Variants in SCN7A observed in about 807,000 individuals in gnomAD.
SCN7A encodes sodium voltage-gated channel alpha subunit 7.
In SCN7A, 138 loss-of-function variants were observed where a neutral mutation model predicts 155.2. The observed-to-expected ratio is 0.89, with a 90% confidence interval of 0.77 to 1.02. The LOEUF (loss-of-function observed/expected upper bound fraction) is 1.02, where lower values mean the gene tolerates loss of function less well. Ranked by LOEUF, SCN7A falls within the 50% of genes least tolerant of loss-of-function variation. SCN7A has a pLI of 0.00. For synonymous variants in SCN7A, 693 were observed against 649.0 expected, an observed-to-expected ratio of 1.07 and a Z score of -1.03; for missense variants, 2,058 against 1,986.6, an observed-to-expected ratio of 1.04 and a Z score of -0.68.
At position 166,406,181 on chromosome 2, in the gene SCN7A, G is replaced by T; in HGVS notation, c.4448C>A (p.Ser1483Ter). 3 of 1,612,552 alleles carry T rather than the reference G, an allele frequency of 1.9e-6. No individual in the cohort carries two copies. The highest frequency in any genetic ancestry group is 1.7e-6 in the Non-Finnish European group (2 of 1,179,114). Residue 1483 changes from serine to a stop codon, truncating the protein, a stop_gained, in exon 26 of 26, where the codon TCA (serine) becomes TAA (stop). Transcript: ENST00000643258. LOFTEE classifies it high-confidence loss of function. ...GTACATATTTACAATGATCAGCCAT[G>T]ATATGAGGATATAACTGACAAAATA... is the stretch of plus-strand genomic sequence containing the variant. ...IFYFVSYILI[S>*]WLIIVNMYIV... is the part of the protein sequence containing the mutation.
intron 16 of SCN7A, among the ~76,000 whole-genome samples, chr2:166,429,798 T>C (rs975090315): frequency 6.6e-6 from 1 of 151,830 alleles, no homozygotes; most frequent in Non-Finnish European, 1.5e-5. Context: ...GCACAAGAAA[T>C]AGGGACAAGA....
intron 23 of SCN7A, among the ~76,000 whole-genome samples, 182 bp from the exon 24 acceptor site, chr2:166,410,506 C>T (rs941739725): frequency 1.3e-5 from 2 of 152,002 alleles, no homozygotes; most frequent in Non-Finnish European, 2.9e-5. Flanking sequence ...ATAAAAAGCA[C>T]ATACAGAATA....
chr2:166,427,995 A>T, intron 17 of SCN7A, 53 bp from the exon 18 acceptor site: 2 of 1,544,196 alleles, frequency 1.3e-6, no homozygotes, highest in Non-Finnish European at 1.8e-6. Context: ...ATGAAAAAGT[A>T]AACAACTGAA....
At chr2:166,422,904 T>A (rs1452432167) in intron 19 of SCN7A, among the ~76,000 whole-genome samples, 1 of 152,108 alleles carries the variant, frequency 6.6e-6, no homozygotes, top group Non-Finnish European at 1.5e-5. Context: ...CCTGCACTTG[T>A]GAACATCATA....
intron 2 of SCN7A, among the ~76,000 whole-genome samples, chr2:166,479,881 A>T (rs1242980513): frequency 6.6e-6 from 1 of 152,162 alleles, no homozygotes; most frequent in Non-Finnish European, 1.5e-5. Flanking sequence ...AGGGAAGAAT[A>T]TGTGCTAGGA....
chr2:166,405,153 AG>A lies in SCN7A; in HGVS notation c.*426del, dbSNP rs1701038209. On this transcript the variant is annotated 3_prime_UTR_variant, in exon 26 of 26. Coordinates refer to ENST00000643258, the MANE Select transcript of SCN7A (RefSeq NM_002976.4). ...GCAAGTTTATGATTTAATGGCCATTAGCATTTCACCATCCCACATCAGGAAA... is the reference window on the plus strand; with the variant it reads ...GCAAGTTTATGATTTAATGGCCATTACATTTCACCATCCCACATCAGGAAA... 6.5e-6 allele frequency: 1 copy of A among 154,534 alleles called. No homozygotes were observed. Among genetic ancestry groups the A allele is most frequent in the South Asian group, 2.1e-4 (1 of 4,854 alleles). 9.6% of individuals were successfully genotyped at this position (154,534 alleles called of 1,614,324 possible). A position where few individuals can be genotyped will look rare whatever the true frequency, so the allele number is the denominator to read the frequency against.
At chr2:166,479,431 T>C (rs532830348) in intron 2 of SCN7A, among the ~76,000 whole-genome samples, 7 of 152,206 alleles carry the variant, frequency 4.6e-5, no homozygotes, top group African/African-American at 1.7e-4. Context: ...TACATTTCTG[T>C]GTTATAAATG....
chr2:166,470,760 T>C, intron 6 of SCN7A, 54 bp from the exon 7 acceptor site: 5 of 1,461,944 alleles, frequency 3.4e-6, no homozygotes, highest in Non-Finnish European at 4.6e-6. Context: ...GTGCTACTTA[T>C]TCTTGGCTTT....
chr2:166,475,332 ATATC>A (rs1244517425), intron 3 of SCN7A, among the ~76,000 whole-genome samples: 3 of 149,582 alleles, frequency 2.0e-5, no homozygotes, highest in Non-Finnish European at 4.5e-5. Context: ...TATATATTAA[ATATC>A]TATTAGATAC....
intron 11 of SCN7A, among the ~76,000 whole-genome samples, chr2:166,456,515 T>G (rs556414567): frequency 1.3e-5 from 2 of 152,080 alleles, no homozygotes; most frequent in Non-Finnish European, 2.9e-5. Flanking sequence ...AAAAATATCA[T>G]AAGTGTGGTA....
intron 21 of SCN7A, among the ~76,000 whole-genome samples, chr2:166,415,962 G>T (rs1701366646): frequency 6.6e-6 from 1 of 152,108 alleles, no homozygotes; most frequent in Non-Finnish European, 1.5e-5. Context: ...AAGTAGGGAA[G>T]ATATCACTAA....
At chr2:166,429,539 G>C (rs1483006654) in intron 16 of SCN7A, among the ~76,000 whole-genome samples, 1 of 152,026 alleles carries the variant, frequency 6.6e-6, no homozygotes, top group African/African-American at 2.4e-5. Context: ...ATAACACTTT[G>C]CTTCTTAAAG....
At chr2:166,426,256 TATTCTAAGCAGCC>T in intron 18 of SCN7A, among the ~76,000 whole-genome samples, 1 of 152,150 alleles carries the variant, frequency 6.6e-6, no homozygotes, top group Admixed American at 6.6e-5. Flanking sequence ...AGGTTGACTA[TATTCTAAGCAGCC>T]TTTCCATTTG....
In SCN7A at chr2:166,475,121, C is replaced by CGTATATATATATATATATATATACGT. The variant is rs1553520555; in HGVS notation, c.235-778_235-777insACGTATATATATATATATATATATAC. ...ATATATATGTATATATATATATATA[C>CGTATATATATATATATATATATACGT]ATATATATATATATATACACACACA... On this transcript the variant is annotated intron_variant, in intron 3 of 25. Coordinates refer to ENST00000643258, the MANE Select transcript of SCN7A (RefSeq NM_002976.4). Among the ~76,000 whole-genome samples, 714 of 102,114 alleles carry CGTATATATATATATATATATATACGT rather than the reference C, an allele frequency of 7.0e-3. 15 individuals are homozygous for CGTATATATATATATATATATATACGT. The highest frequency in any genetic ancestry group is 0.026 in the African/African-American group (642 of 24,678). 67.0% of individuals were successfully genotyped at this position (102,114 alleles called of 152,430 possible). A position where few individuals can be genotyped will look rare whatever the true frequency, so the allele number is the denominator to read the frequency against.
In SCN7A at chr2:166,413,836, T is replaced by C. The variant is rs949542769; in HGVS notation, c.3415-715A>G. Among the ~76,000 whole-genome samples, 4 of 149,750 alleles carry C rather than the reference T, an allele frequency of 2.7e-5. 1 individual carries two copies. Among genetic ancestry groups the C allele is most frequent in the East Asian group, 2.0e-4 (1 of 5,066 alleles). On this transcript the variant is annotated intron_variant, in intron 21 of 25. Coordinates refer to ENST00000643258, the MANE Select transcript of SCN7A (RefSeq NM_002976.4). The stretch of plus-strand genomic sequence containing the variant: ...GCTGGATGCTTCCTGCCCTCAAACA[T>C]TGGACTCCAAGTTCTTCAGTTTTGA...
At chr2:166,486,814 T>A (rs1369585095) in intron 2 of SCN7A, 42 bp downstream of exon 2, 1 of 152,178 alleles carries the variant, frequency 6.6e-6, no homozygotes, top group Non-Finnish European at 1.5e-5. Flanking sequence ...ATAGCCTGAG[T>A]ATGAGAGATA....
chr2:166,410,417 T>A, intron 23 of SCN7A, 93 bp from the exon 24 acceptor site: 1 of 789,936 alleles, frequency 1.3e-6, no homozygotes. Flanking sequence ...CAATTATTGA[T>A]TTAATCTTCT....
intron 12 of SCN7A, among the ~76,000 whole-genome samples, chr2:166,446,331 C>T (rs778099017): frequency 1.6e-4 from 24 of 152,122 alleles, no homozygotes; most frequent in Non-Finnish European, 2.5e-4. Flanking sequence ...CACCATTTCA[C>T]GCCTGTTAGA....
chr2:166,442,473 C>T (rs1701982253), intron 14 of SCN7A, among the ~76,000 whole-genome samples: 1 of 152,098 alleles, frequency 6.6e-6, no homozygotes, highest in South Asian at 2.1e-4. Context: ...CTGCAGCCTC[C>T]AACTCCTAGG....
Sources: gnomAD v4.1 joint callset for allele counts (sites outside exome capture counted in the v4.1 genomes callset) on GRCh38, gnomAD v4.1.1 for gene constraint, MANE v1.5 for transcripts, NCBI Gene and HGNC (gene_info 2026-07-23, HGNC 2026-07-21) for gene names.